The following DNAJC3 variants were observed in gnomAD, a reference collection of about 807,000 sequenced individuals.
The protein encoded by DNAJC3 is DnaJ heat shock protein family (Hsp40) member C3.
A neutral mutation model predicts 68.6 loss-of-function variants in DNAJC3; 38 were observed. The observed-to-expected ratio is 0.55, with a 90% CI of 0.43 to 0.73. The LOEUF is 0.73. Ranked by LOEUF, DNAJC3 falls within the 30% of genes least tolerant of loss-of-function variation. The pLI, the probability that DNAJC3 is intolerant of heterozygous loss-of-function variation, is 0.00. For missense variants in DNAJC3, 526 were observed against 591.9 expected (o/e 0.89, Z 1.16); for synonymous variants, 203 against 204.0 (o/e 1.00, Z 0.04).
intron 1 of DNAJC3, among the ~76,000 whole-genome samples, chr13:95,700,344 G>A (rs771141084): frequency 2.0e-5 from 3 of 151,996 alleles, no homozygotes; most frequent in South Asian, 2.1e-4. Flanking sequence ...GTAGTTTCTC[G>A]AACTAACCAG....
intron 1 of DNAJC3, among the ~76,000 whole-genome samples, chr13:95,691,197 C>T (rs1420462892): frequency 1.3e-5 from 2 of 149,708 alleles, no homozygotes; most frequent in African/African-American, 2.5e-5. Context: ...AGGCGGCTGA[C>T]CCCCCCACCT....
chr13:95,695,780 G>A (rs151230166), intron 1 of DNAJC3: 17 of 152,218 alleles, frequency 1.1e-4, no homozygotes, highest in South Asian at 1.0e-3. Context: ...AGGACAACTC[G>A]GAGAAAAAGC....
intron 9 of DNAJC3, among the ~76,000 whole-genome samples, chr13:95,767,797 C>A (rs1883039029): frequency 6.7e-6 from 1 of 150,318 alleles, no homozygotes; most frequent in Admixed American, 6.7e-5. Flanking sequence ...TCAGCTGATT[C>A]TCCTGCCTCA....
chr13:95,712,641 G>T (rs1175670432), intron 2 of DNAJC3, among the ~76,000 whole-genome samples: 1 of 151,964 alleles, frequency 6.6e-6, no homozygotes. Context: ...CAAAGAGCTG[G>T]GATTACAGAC....
intron 1 of DNAJC3, among the ~76,000 whole-genome samples, chr13:95,697,444 C>G (rs1880471949): frequency 6.6e-6 from 1 of 152,180 alleles, no homozygotes; most frequent in African/African-American, 2.4e-5. Context: ...ACACTTCTGT[C>G]TAACTGCTTT....
Position 95,792,999 on chromosome 13 carries a change from C to T in DNAJC3, c.*1969C>T, listed in dbSNP as rs1205130501. On this transcript the variant is annotated 3_prime_UTR_variant, in exon 12 of 12. Transcript: ENST00000602402. ...GCCAACAACAAGGGGTCAAGGGCCG[C>T]ACAGGAGATGTGTGGGGGCCTGGCC... 6.6e-6 allele frequency: 1 copy of T among 152,204 alleles called. No homozygotes were observed. Among genetic ancestry groups the T allele is most frequent in the Non-Finnish European group, 1.5e-5 (1 of 68,044 alleles). 9.4% of individuals were successfully genotyped at this position (152,204 alleles called of 1,614,324 possible). A position where few individuals can be genotyped will look rare whatever the true frequency, so the allele number is the denominator to read the frequency against.
At chr13:95,729,460 C>T (rs918361885) in intron 4 of DNAJC3, among the ~76,000 whole-genome samples, 1 of 151,654 alleles carries the variant, frequency 6.6e-6, no homozygotes, top group Non-Finnish European at 1.5e-5. Context: ...TGTAGATGAG[C>T]ACATTTGGTA....
chr13:95,694,269 T>C (rs1880364711), intron 1 of DNAJC3: 1 of 152,538 alleles, frequency 6.6e-6, no homozygotes, highest in Admixed American at 6.5e-5. Context: ...TCTCAGGGTA[T>C]TCCTCAATAG....
At chr13:95,679,108 T>C (rs1329773586) in intron 1 of DNAJC3, among the ~76,000 whole-genome samples, 2 of 150,334 alleles carry the variant, frequency 1.3e-5, no homozygotes, top group Admixed American at 6.6e-5. Flanking sequence ...GTTCATTTTG[T>C]GTGCACGCTG....
At chr13:95,735,964 T>A (rs2139652850) in intron 4 of DNAJC3, among the ~76,000 whole-genome samples, 1 of 152,332 alleles carries the variant, frequency 6.6e-6, no homozygotes. Context: ...GGTCTAACGT[T>A]TAAGTCTTTA....
chr13:95,787,024 A>G lies in DNAJC3; in HGVS notation c.1226A>G (p.Glu409Gly). 2 of 1,608,528 alleles carry G rather than the reference A, an allele frequency of 1.2e-6. No individual in the cohort carries two copies. The highest frequency in any genetic ancestry group is 1.7e-6 in the Non-Finnish European group (2 of 1,178,596). ...LGVKRNAKKQEIIKAYRKLAL... is the reference protein window; with the variant it reads ...LGVKRNAKKQGIIKAYRKLAL... ...CCCCTCAGAAATGCCAAAAAGCAAGAAATTATTAAAGCATACCGAAAATTA... is the reference window on the plus strand; with the variant it reads ...CCCCTCAGAAATGCCAAAAAGCAAGGAATTATTAAAGCATACCGAAAATTA... The change falls in exon 11 of 12, where the codon GAA (glutamate) becomes GGA (glycine). Residue 409 changes from glutamate (E) to glycine (G), a missense_variant. Glu to Gly is a moderately conservative substitution (Grantham distance 98). Transcript: ENST00000602402.
intron 1 of DNAJC3, chr13:95,694,014 C>G (rs957184456): frequency 3.9e-5 from 6 of 152,126 alleles, no homozygotes; most frequent in Non-Finnish European, 8.8e-5. Context: ...ACAACATAAT[C>G]AGCAACAATG....
chr13:95,786,855 G>T, intron 10 of DNAJC3, 152 bp from the exon 11 acceptor site: 1 of 833,238 alleles, frequency 1.2e-6, no homozygotes, highest in Non-Finnish European at 1.8e-6. Flanking sequence ...CCAGAACTGT[G>T]TATGCAGATC....
intron 9 of DNAJC3, among the ~76,000 whole-genome samples, chr13:95,770,781 G>A (rs921686139): frequency 1.3e-5 from 2 of 152,124 alleles, no homozygotes; most frequent in African/African-American, 4.8e-5. Flanking sequence ...CACAGCTCTC[G>A]TACACTTCTG....
chr13:95,738,363 A>G (rs1383713610), intron 4 of DNAJC3, among the ~76,000 whole-genome samples: 1 of 149,366 alleles, frequency 6.7e-6, no homozygotes, highest in East Asian at 2.0e-4. Context: ...GCTGAGTTCA[A>G]TTCCTGGGTA....
chr13:95,690,082 A>G (rs1880188263), intron 1 of DNAJC3, among the ~76,000 whole-genome samples: 1 of 151,606 alleles, frequency 6.6e-6, no homozygotes, highest in African/African-American at 2.4e-5. Flanking sequence ...AGGTCAGCAG[A>G]TAAACAAGTG....
intron 2 of DNAJC3, among the ~76,000 whole-genome samples, chr13:95,717,413 T>C (rs73550570): frequency 0.011 from 1,712 of 152,328 alleles, 35 homozygotes; most frequent in African/African-American, 0.039. Context: ...CTAGCAACTT[T>C]CTGAAGGTGA....
intron 1 of DNAJC3, among the ~76,000 whole-genome samples, chr13:95,688,133 C>T (rs1202986652): frequency 1.3e-5 from 2 of 152,124 alleles, no homozygotes; most frequent in Non-Finnish European, 2.9e-5. Context: ...AATTTTATAT[C>T]CTGAAACTTT....
intron 1 of DNAJC3, among the ~76,000 whole-genome samples, chr13:95,688,934 GT>G (rs1566466660): frequency 2.1e-4 from 28 of 134,646 alleles, no homozygotes; most frequent in Non-Finnish European, 3.2e-4. Context: ...GTGGGTGTGT[GT>G]GTGTGTGTGT....
Sources: allele counts gnomAD v4.1 joint callset (sites outside exome capture counted in the v4.1 genomes callset), GRCh38; gene constraint gnomAD v4.1.1; transcripts MANE v1.5; gene names NCBI Gene and HGNC (gene_info 2026-07-23, HGNC 2026-07-21).